The following DHRSX variants were observed in gnomAD, a reference collection of about 807,000 sequenced individuals.
The protein encoded by DHRSX is dehydrogenase/reductase X-linked, also known as polyprenol dehydrogenase.
A neutral mutation model predicts 34.0 loss-of-function variants in DHRSX; 31 were observed. The ratio of observed to expected loss-of-function variants is 0.91; its 90% CI spans 0.69 to 1.23. The LOEUF (loss-of-function observed/expected upper bound fraction) is 1.23. Among genes scored for constraint, DHRSX ranks in the 50% most tolerant of loss-of-function variants. DHRSX has a pLI of 0.00. For missense variants in DHRSX, 414 were observed against 428.1 expected, an observed-to-expected ratio of 0.97 and a Z score of 0.29; for synonymous variants, 201 against 183.8, an observed-to-expected ratio of 1.09 and a Z score of -0.76.
intron 5 of DHRSX, among the ~76,000 whole-genome samples, chrX:2,253,339 G>A (rs1286283096): frequency 3.3e-5 from 5 of 151,784 alleles, no homozygotes; most frequent in Non-Finnish European, 7.4e-5. Context: ...CCAAGATGGC[G>A]TGGCCGCACT....
chrX:2,412,380 G>T (rs746400905), intron 2 of DHRSX, among the ~76,000 whole-genome samples: 15 of 152,250 alleles, frequency 9.9e-5, no homozygotes, highest in African/African-American at 3.6e-4. Context: ...CACTGCACCC[G>T]GCCTGGTTTT....
chrX:2,447,602 C>T (rs2044155232), intron 1 of DHRSX, among the ~76,000 whole-genome samples: 1 of 152,054 alleles, frequency 6.6e-6, no homozygotes, highest in Non-Finnish European at 1.5e-5. Flanking sequence ...TGCAGCACTA[C>T]TCACAGTTTC....
intron 1 of DHRSX, among the ~76,000 whole-genome samples, chrX:2,468,922 C>T (rs1291162553): frequency 6.6e-6 from 1 of 151,318 alleles, no homozygotes; most frequent in Middle Eastern, 3.3e-3. Context: ...TGCCGTTGCA[C>T]ACTGAAGACG....
chrX:2,263,705 G>A (rs1391514559), intron 5 of DHRSX, among the ~76,000 whole-genome samples: 1 of 151,886 alleles, frequency 6.6e-6, no homozygotes, highest in Non-Finnish European at 1.5e-5. Flanking sequence ...TAGAGATGGG[G>A]TTTCACCATG....
chrX:2,275,487 C>T lies in DHRSX; in HGVS notation c.389-8540G>A, dbSNP rs964409077. ...TCGTGCACTGCACTCCAGCCCCGGC[C>T]GACAACAGCGAGACTATGTTTCAAA... On this transcript the variant is annotated intron_variant, in intron 4 of 6. Transcript: ENST00000334651. 1.0e-4 allele frequency among the ~76,000 whole-genome samples: 15 copies of T among 146,184 alleles called. 1 individual carries two copies. Among genetic ancestry groups the T allele is most frequent in the East Asian group, 4.0e-4 (2 of 5,058 alleles).
chrX:2,408,721 A>G, intron 3 of DHRSX, 24 bp downstream of exon 3: 1 of 1,586,652 alleles, frequency 6.3e-7, no homozygotes, highest in South Asian at 1.2e-5. Context: ...AACAAAAAAA[A>G]GCCATTGGAG....
chrX:2,315,890 C>A (rs184626773), intron 3 of DHRSX, among the ~76,000 whole-genome samples: 1 of 152,122 alleles, frequency 6.6e-6, no homozygotes, highest in Non-Finnish European at 1.5e-5. Flanking sequence ...GAGACAGAGT[C>A]TCACTCTGTT....
At chrX:2,301,346 G>A (rs1329459237) in intron 3 of DHRSX, among the ~76,000 whole-genome samples, 33 of 152,284 alleles carry the variant, frequency 2.2e-4, no homozygotes, top group African/African-American at 7.9e-4. Context: ...CCTGGGAGGC[G>A]GAGGTTGCAG....
rs533336995 is a variant in DHRSX, at chrX:2,357,625, A to C, written c.286+51120T>G. On this transcript the variant is annotated intron_variant, in intron 3 of 6. Coordinates refer to ENST00000334651, the MANE Select transcript of DHRSX (RefSeq NM_145177.3). ...AGAGCTACAGAGTCCTGAATGACAA[A>C]GGATCTGAACAAATAACCCTAGACC... 1.4e-4 allele frequency among the ~76,000 whole-genome samples: 21 copies of C among 152,080 alleles called. 1 individual carries two copies. The highest frequency in any genetic ancestry group is 5.1e-4 in the African/African-American group (21 of 41,478).
intron 1 of DHRSX, among the ~76,000 whole-genome samples, chrX:2,483,645 AT>A (rs1466737268): frequency 6.6e-6 from 1 of 152,134 alleles, no homozygotes; most frequent in Admixed American, 6.6e-5. Context: ...ATTAACACAG[AT>A]TACTGAATTC....
intron 3 of DHRSX, among the ~76,000 whole-genome samples, chrX:2,299,015 T>TA (rs2041980269): frequency 5.0e-5 from 3 of 59,652 alleles, no homozygotes; most frequent in African/African-American, 1.5e-4. Flanking sequence ...AAAAAAAAAA[T>TA]GGGAAAAATG....
At position 2,479,473 on chromosome X, in the gene DHRSX, C is replaced by T. The variant is rs753165894; in HGVS notation, c.109+21344G>A. 1.0e-3 allele frequency among the ~76,000 whole-genome samples: 154 copies of T among 150,910 alleles called. 2 individuals carry two copies. Among genetic ancestry groups the T allele is most frequent in the African/African-American group, 3.2e-3 (131 of 41,060 alleles). On this transcript the variant is annotated intron_variant, in intron 1 of 6. Coordinates refer to ENST00000334651, the MANE Select transcript of DHRSX (RefSeq NM_145177.3). ...GTGCACACTGAAGACATTCCCTAAG[C>T]ATGTGGCTACGGGACCACCGTGTAC...
intron 5 of DHRSX, among the ~76,000 whole-genome samples, chrX:2,266,449 G>A (rs772177527): frequency 4.8e-5 from 7 of 146,378 alleles, no homozygotes; most frequent in African/African-American, 7.6e-5. Flanking sequence ...CTCGGCAGAC[G>A]CAGGAAGCAC....
intron 1 of DHRSX, chrX:2,488,471 G>A (rs1033229664): frequency 2.7e-5 from 26 of 970,400 alleles, no homozygotes; most frequent in African/African-American, 1.8e-4. Context: ...CACCGCCCCC[G>A]ACCCTCTCTC....
At chrX:2,246,747 AG>A (rs1280278675) in intron 5 of DHRSX, among the ~76,000 whole-genome samples, 1 of 56,102 alleles carries the variant, frequency 1.8e-5, no homozygotes, top group South Asian at 5.8e-4. Flanking sequence ...AAAGAAAGAA[AG>A]AAAAAGAAAG....
chrX:2,393,549 G>GCGCACACACGACACCCAGGGACCTCACCA (rs1569496724), intron 3 of DHRSX, among the ~76,000 whole-genome samples: 2 of 12,428 alleles, frequency 1.6e-4, no homozygotes. Context: ...GGACCTCCCT[G>GCGCACACACGACACCCAGGGACCTCACCA]TCTCCGGCGC....
At chrX:2,322,199 C>T (rs1348157460) in intron 3 of DHRSX, among the ~76,000 whole-genome samples, 5 of 151,638 alleles carry the variant, frequency 3.3e-5, no homozygotes, top group Non-Finnish European at 5.9e-5. Context: ...TTAGCTCCCA[C>T]GTAACACTGA....
At chrX:2,249,321 T>C (rs972951211) in intron 5 of DHRSX, among the ~76,000 whole-genome samples, 2 of 149,442 alleles carry the variant, frequency 1.3e-5, no homozygotes, top group Non-Finnish European at 3.0e-5. Flanking sequence ...ACCTCCTGAG[T>C]AGCTGGGACT....
chrX:2,452,452 A>C (rs1434789485), intron 1 of DHRSX, among the ~76,000 whole-genome samples: 1 of 151,836 alleles, frequency 6.6e-6, no homozygotes, highest in Non-Finnish European at 1.5e-5. Context: ...AATGTGGATA[A>C]GGGACCTCCG....
Sources: allele counts gnomAD v4.1 joint callset (sites outside exome capture counted in the v4.1 genomes callset), GRCh38; gene constraint gnomAD v4.1.1; transcripts MANE v1.5; gene names NCBI Gene and HGNC (gene_info 2026-07-23, HGNC 2026-07-21).